KRABD2: variants seen among roughly 807,000 people sequenced by gnomAD.
KRABD2 encodes KRAB domain-containing protein 2.
chr17:8,375,244 C>A, the KRABD2 span, among the ~76,000 whole-genome samples: 1 of 152,120 alleles, frequency 6.6e-6, no homozygotes, highest in Non-Finnish European at 1.5e-5. Flanking sequence ...ATCTCCTGAC[C>A]TCGTGATCCA....
chr17:8,371,490 C>G, the KRABD2 span: 6 of 1,611,124 alleles, frequency 3.7e-6, no homozygotes, highest in Non-Finnish European at 5.1e-6. Flanking sequence ...GCAGCTTCAG[C>G]AGGACTGGGG....
the KRABD2 span, chr17:8,369,212 C>T: frequency 5.0e-6 from 8 of 1,614,072 alleles, no homozygotes; most frequent in Non-Finnish European, 5.9e-6. Flanking sequence ...TGTCATCGTC[C>T]ATATCAGATC....
At chr17:8,369,519 C>T in the KRABD2 span, 17 of 1,614,038 alleles carry the variant, frequency 1.1e-5, no homozygotes, top group Admixed American at 8.3e-5. Flanking sequence ...TACATCACGG[C>T]TTGCTCCTTC....
chr17:8,375,228 G>A, the KRABD2 span, among the ~76,000 whole-genome samples: 37,435 of 151,898 alleles, frequency 0.25, 5,282 homozygotes, highest in Admixed American at 0.39. Flanking sequence ...AGCCAGGATG[G>A]TCTCGATCTC....
the KRABD2 span, among the ~76,000 whole-genome samples, chr17:8,363,868 T>TATATAC: frequency 1.4e-4 from 10 of 69,866 alleles, no homozygotes; most frequent in Non-Finnish European, 3.0e-4. Context: ...TATATTTATT[T>TATATAC]ATTTATTTAT....
chr17:8,368,142 T>C, the KRABD2 span, among the ~76,000 whole-genome samples: 3 of 151,984 alleles, frequency 2.0e-5, no homozygotes, highest in African/African-American at 7.3e-5. Context: ...CCCTAGTACC[T>C]GTGAATGTCA....
the KRABD2 span, among the ~76,000 whole-genome samples, chr17:8,365,247 C>G: frequency 2.6e-5 from 4 of 152,212 alleles, no homozygotes; most frequent in Admixed American, 2.6e-4. Flanking sequence ...CCAGGCATCT[C>G]TGGGAAAGCA....
the KRABD2 span, among the ~76,000 whole-genome samples, chr17:8,359,005 C>T: frequency 6.6e-6 from 1 of 152,216 alleles, no homozygotes; most frequent in East Asian, 1.9e-4. Flanking sequence ...CTGGATCATG[C>T]ATCACATTTG....
the KRABD2 span, chr17:8,369,399 T>C: frequency 6.2e-7 from 1 of 1,614,280 alleles, no homozygotes; most frequent in Non-Finnish European, 8.5e-7. Context: ...AAATGGACTT[T>C]GCTGCAAGGA....
chr17:8,368,913 G>A, the KRABD2 span: 10 of 676,538 alleles, frequency 1.5e-5, no homozygotes, highest in East Asian at 9.4e-5. Context: ...CTGGGATTAC[G>A]GGCATGAGCG....
At chr17:8,376,682 A>C in the KRABD2 span, 1 of 984,136 alleles carries the variant, frequency 1.0e-6, no homozygotes, top group Non-Finnish European at 1.2e-6. Context: ...CCCTCCACCC[A>C]GAGGCCCCCG....
the KRABD2 span, chr17:8,376,687 C>A: frequency 1.4e-5 from 14 of 983,968 alleles, no homozygotes; most frequent in Admixed American, 6.1e-5. Flanking sequence ...CACCCAGAGG[C>A]CCCCGAGCAG....
the KRABD2 span, among the ~76,000 whole-genome samples, chr17:8,375,251 T>C: frequency 1.3e-5 from 2 of 152,258 alleles, no homozygotes; most frequent in Admixed American, 6.5e-5. Context: ...GACCTCGTGA[T>C]CCACCCGCCT....
chr17:8,367,868 T>A, the KRABD2 span, among the ~76,000 whole-genome samples: 2 of 138,476 alleles, frequency 1.4e-5, no homozygotes, highest in Non-Finnish European at 3.0e-5. Flanking sequence ...TGACCTTCCC[T>A]CCACTATTGT....
the KRABD2 span, among the ~76,000 whole-genome samples, chr17:8,360,790 C>T: frequency 6.6e-6 from 1 of 152,162 alleles, no homozygotes; most frequent in East Asian, 1.9e-4. Context: ...TTCCCCCTTA[C>T]AATTCAACAA....
the KRABD2 span, chr17:8,371,432 T>C: frequency 6.2e-7 from 1 of 1,614,062 alleles, no homozygotes; most frequent in African/African-American, 1.3e-5. Context: ...TGAAACAACA[T>C]TGGCTGCTGC....
At chr17:8,370,471 C>G in the KRABD2 span, 11 of 865,182 alleles carry the variant, frequency 1.3e-5, no homozygotes, top group Non-Finnish European at 1.8e-5. Flanking sequence ...CTCATCAATT[C>G]TTTCATCTAA....
the KRABD2 span, chr17:8,370,468 A>G: frequency 1.1e-6 from 1 of 875,084 alleles, no homozygotes; most frequent in Non-Finnish European, 1.7e-6. Context: ...TTCCTCATCA[A>G]TTCTTTCATC....
chr17:8,376,511 T>A, the KRABD2 span: 16 of 993,430 alleles, frequency 1.6e-5, no homozygotes, highest in Non-Finnish European at 1.8e-5. Context: ...GTAGCCTTCC[T>A]ACCCTGACTT....
Sources: gnomAD v4.1 joint callset for allele counts (sites outside exome capture counted in the v4.1 genomes callset) on GRCh38, gnomAD v4.1.1 for gene constraint, MANE v1.5 for transcripts, NCBI Gene and HGNC (gene_info 2026-07-23, HGNC 2026-07-21) for gene names.